Variants in ABCC11 observed in about 807,000 individuals in gnomAD.
ABCC11 encodes the protein ATP binding cassette subfamily C member 11, also known as ATP-binding cassette sub-family C member 11.
A neutral mutation model predicts 149.3 loss-of-function variants in ABCC11; 135 were observed. The ratio of observed to expected loss-of-function variants is 0.90; its 90% CI spans 0.79 to 1.04. The LOEUF (loss-of-function observed/expected upper bound fraction) is 1.04, where lower values mean the gene tolerates loss of function less well. Among genes scored for constraint, ABCC11 ranks in the 50% least tolerant of loss-of-function variants. The probability of loss-of-function intolerance (pLI) is 0.00; values close to 1 mark genes in which losing one functional copy is unlikely to be tolerated. For synonymous variants in ABCC11, 665 were observed against 671.4 expected, an observed-to-expected ratio of 0.99 and a Z score of 0.15; for missense variants, 1,680 against 1,722.1, an observed-to-expected ratio of 0.98 and a Z score of 0.43.
chr16:48,174,581 T>C (rs1439603848), intron 26 of ABCC11, among the ~76,000 whole-genome samples: 1 of 152,106 alleles, frequency 6.6e-6, no homozygotes, highest in East Asian at 1.9e-4. Context: ...GAAGATCTGG[T>C]TCTGTCTGCT....
chr16:48,167,546 C>T lies in ABCC11; in HGVS notation c.4006G>A (p.Val1336Ile). The T allele has an allele frequency of 6.2e-7, 1 of 1,614,170 alleles. No individual in the cohort carries two copies. ...TGGTCACAGTTCAGCACAGTGGTGA[C>T]ACGGTGGGCAATGACGAGCACGGTG... ...GCTVLVIAHRVTTVLNCDHIL... is the reference protein window; with the variant it reads ...GCTVLVIAHRITTVLNCDHIL... The change falls in exon 29 of 30, where the codon GTC becomes ATC. Residue 1336 changes from valine (V) to isoleucine (I), a missense_variant. Coordinates refer to ENST00000356608, the MANE Select transcript of ABCC11 (RefSeq NM_001370497.1).
chr16:48,210,970 T>C lies in ABCC11; in HGVS notation c.1586A>G (p.Lys529Arg), dbSNP rs1968870666. 2 of 1,614,190 alleles carry C rather than the reference T, an allele frequency of 1.2e-6. No homozygotes were observed. Among genetic ancestry groups the C allele is most frequent in the East Asian group, 4.5e-5 (2 of 44,864 alleles). Residue 529 changes from lysine (K) to arginine (R), a missense_variant, in exon 11 of 30, where the codon AAG (lysine) becomes AGG (arginine). Lys to Arg is a conservative substitution (Grantham distance 26, BLOSUM62 2). Transcript: ENST00000356608. ...EGNSLGPELH[K>R]INLVVSKGMM... ...TACCTTGGACACCACCAGGTTGATC[T>C]TGTGCAACTCTGGGCCCAGGCTGTT...
intron 20 of ABCC11, among the ~76,000 whole-genome samples, chr16:48,191,654 T>C (rs921521196): frequency 1.3e-5 from 2 of 152,248 alleles, no homozygotes; most frequent in African/African-American, 4.8e-5. Context: ...TGCATACATG[T>C]GCATTTATCT....
At chr16:48,210,626 G>A (rs1968838225) in intron 11 of ABCC11, 4 of 312,946 alleles carry the variant, frequency 1.3e-5, no homozygotes, top group East Asian at 1.2e-4. Flanking sequence ...TGGCACATAC[G>A]AGGAATGTAA....
intron 24 of ABCC11, 95 bp downstream of exon 24, chr16:48,178,502 C>G (rs1966228639): frequency 1.6e-6 from 2 of 1,217,780 alleles, no homozygotes; most frequent in African/African-American, 1.5e-5. Flanking sequence ...CTGGGATGGT[C>G]TCAGGGCTCT....
At chr16:48,199,222 T>C (rs191675950) in intron 15 of ABCC11, among the ~76,000 whole-genome samples, 62 of 152,060 alleles carry the variant, frequency 4.1e-4, no homozygotes, top group African/African-American at 1.3e-3. Flanking sequence ...GCATACACTG[T>C]AGAAGTATGA....
Position 48,231,951 on chromosome 16 carries a change from A to AT in ABCC11, c.-18-13_-18-12insA. ...AGTTCCTGCCAATTCTTCGTTTCCC[A>AT]GAATCAGAGAATATGAAAAGACAGC... On this transcript the variant is annotated splice_polypyrimidine_tract_variant and intron_variant, in intron 1 of 29. Transcript: ENST00000356608. 1.2e-6 allele frequency: 2 copies of AT among 1,613,532 alleles called. No homozygotes were observed. The highest frequency in any genetic ancestry group is 3.3e-4 in the Middle Eastern group (2 of 6,062).
At position 48,166,699 on chromosome 16, in the gene ABCC11, T is replaced by C. The variant is rs1965354807; in HGVS notation, c.*575A>G. On this transcript the variant is annotated 3_prime_UTR_variant, in exon 30 of 30. Coordinates refer to ENST00000356608, the MANE Select transcript of ABCC11 (RefSeq NM_001370497.1). ...GGCCAACATGGTGAAACCCCGCCTC[T>C]ACTAAAAATACAAAAATTAGCCAGT... is the stretch of plus-strand genomic sequence containing the variant. Among the ~76,000 whole-genome samples the C allele has an allele frequency of 6.6e-6, 1 of 152,186 alleles. No homozygotes were observed. Among genetic ancestry groups the C allele is most frequent in the Admixed American group, 6.5e-5 (1 of 15,278 alleles).
At chr16:48,232,718 G>A (rs1350650678) in intron 1 of ABCC11, among the ~76,000 whole-genome samples, 1 of 152,238 alleles carries the variant, frequency 6.6e-6, no homozygotes, top group South Asian at 2.1e-4. Flanking sequence ...CCATGAGGGT[G>A]CAGCCTGTGC....
At chr16:48,174,325 G>A (rs575582640) in intron 26 of ABCC11, among the ~76,000 whole-genome samples, 9 of 152,298 alleles carry the variant, frequency 5.9e-5, no homozygotes, top group African/African-American at 2.2e-4. Flanking sequence ...TGAGTGGGAG[G>A]ATGAATGAAG....
chr16:48,195,530 T>TA (rs1454891518), intron 18 of ABCC11, among the ~76,000 whole-genome samples: 1 of 152,050 alleles, frequency 6.6e-6, no homozygotes, highest in Non-Finnish European at 1.5e-5. Flanking sequence ...TTTCATGGAG[T>TA]AAAAATTACT....
intron 6 of ABCC11, among the ~76,000 whole-genome samples, chr16:48,216,530 T>A (rs1157771626): frequency 6.6e-6 from 1 of 152,234 alleles, no homozygotes; most frequent in Non-Finnish European, 1.5e-5. Context: ...ACTTACTTTA[T>A]ATGGGTTTTG....
At chr16:48,176,903 C>A (rs202078215) in intron 25 of ABCC11, 21 bp downstream of exon 25, 10 of 1,609,726 alleles carry the variant, frequency 6.2e-6, no homozygotes, top group African/African-American at 4.0e-5. Flanking sequence ...TGGGGACGCT[C>A]GCCCAGGAAG....
At chr16:48,198,951 T>G (rs1333657330) in intron 15 of ABCC11, among the ~76,000 whole-genome samples, 1 of 151,874 alleles carries the variant, frequency 6.6e-6, no homozygotes, top group Non-Finnish European at 1.5e-5. Context: ...GCAGAATTGC[T>G]TGAACCTGGG....
Position 48,197,954 on chromosome 16 carries a change from A to T in ABCC11, c.2314+17T>A. 6.2e-7 allele frequency: 1 copy of T among 1,612,768 alleles called. No homozygotes were observed. Among genetic ancestry groups the T allele is most frequent in the Non-Finnish European group, 8.5e-7 (1 of 1,179,394 alleles). On this transcript the variant is annotated intron_variant, in intron 17 of 29. Coordinates refer to ENST00000356608, the MANE Select transcript of ABCC11 (RefSeq NM_001370497.1). Reference sequence around the variant, plus strand: ...GCAGGCATGCAGACATTCTTGTCCTATCTCCCACACCATTACCAGCATTTC... The same window carrying T: ...GCAGGCATGCAGACATTCTTGTCCTTTCTCCCACACCATTACCAGCATTTC...
chr16:48,171,214 C>G (rs76235619), intron 26 of ABCC11, among the ~76,000 whole-genome samples: 1,721 of 152,342 alleles, frequency 0.011, 31 homozygotes, highest in African/African-American at 0.039. Flanking sequence ...CCAGGGCAGG[C>G]TCCACCATCC....
At chr16:48,178,764 T>C in intron 23 of ABCC11, 78 bp from the exon 24 acceptor site, 1 of 1,246,238 alleles carries the variant, frequency 8.0e-7, no homozygotes, top group Non-Finnish European at 1.2e-6. Context: ...TGATAACCAC[T>C]GATTGCCATT....
rs184284061 is a variant in ABCC11, at chr16:48,203,550, G to A, written c.1806-250C>T. 3.9e-5 allele frequency among the ~76,000 whole-genome samples: 6 copies of A among 152,178 alleles called. No homozygotes were observed. In the East Asian group the frequency reaches 7.7e-4, roughly 20 times the overall value. Reference sequence around the variant, plus strand: ...AAAAGCAGTTCTCCTTCCCATCTTTGACCTTCATTTGCTTTTCTCAAAAGC... The same window carrying A: ...AAAAGCAGTTCTCCTTCCCATCTTTAACCTTCATTTGCTTTTCTCAAAAGC... On this transcript the variant is annotated intron_variant, in intron 13 of 29. Coordinates refer to ENST00000356608, the MANE Select transcript of ABCC11 (RefSeq NM_001370497.1).
chr16:48,167,144 T>TC lies in ABCC11; in HGVS notation c.*129_*130insG. On this transcript the variant is annotated 3_prime_UTR_variant, in exon 30 of 30. Transcript: ENST00000356608. The stretch of plus-strand genomic sequence containing the variant: ...TCCATCCAGCAATCCCCACCCCCCC[T>TC]ACATTTACCCCTGCTTCCAGGAGAA... 3.7e-6 allele frequency: 1 copy of TC among 270,980 alleles called. No individual in the cohort carries two copies. Among genetic ancestry groups the TC allele is most frequent in the South Asian group, 3.1e-5 (1 of 32,380 alleles). 16.8% of individuals were successfully genotyped at this position (270,980 alleles called of 1,614,324 possible).
Sources: gnomAD v4.1 joint callset for allele counts (sites outside exome capture counted in the v4.1 genomes callset) on GRCh38, gnomAD v4.1.1 for gene constraint, MANE v1.5 for transcripts, NCBI Gene and HGNC (gene_info 2026-07-23, HGNC 2026-07-21) for gene names.